Variants in BID observed in about 807,000 individuals in gnomAD.
BID encodes the protein BH3-interacting domain death agonist.
A neutral mutation model predicts 17.4 loss-of-function variants in BID; 19 were observed. The observed-to-expected ratio is 1.09, with a 90% CI of 0.76 to 1.60. The LOEUF (loss-of-function observed/expected upper bound fraction) is 1.60, where lower values mean the gene tolerates loss of function less well. BID is among the 40% of genes most tolerant of loss of function. The pLI is 0.00. For synonymous variants in BID, 108 were observed against 102.8 expected, an observed-to-expected ratio of 1.05 and a Z score of -0.31; for missense variants, 226 against 256.0, an observed-to-expected ratio of 0.88 and a Z score of 0.80.
At chr22:17,766,575 G>T (rs1031256304) in intron 1 of BID, among the ~76,000 whole-genome samples, 1 of 143,154 alleles carries the variant, frequency 7.0e-6, no homozygotes. Flanking sequence ...GCCACTTCGC[G>T]CCCAGCCTTT....
chr22:17,746,926 C>G (rs2061498783), intron 2 of BID, among the ~76,000 whole-genome samples: 1 of 152,218 alleles, frequency 6.6e-6, no homozygotes, highest in South Asian at 2.1e-4. Flanking sequence ...CCCCAAGAAG[C>G]TAACGCAGGC....
intron 1 of BID, among the ~76,000 whole-genome samples, chr22:17,753,529 G>A (rs541179751): frequency 2.6e-5 from 4 of 152,296 alleles, no homozygotes; most frequent in Admixed American, 2.0e-4. Flanking sequence ...GCCCTGCATC[G>A]GGTAACCTCT....
rs533820085 is a variant in BID, at chr22:17,769,920, G to A, written c.-59+4461C>T. On this transcript the variant is annotated intron_variant, in intron 1 of 5. Transcript: ENST00000622694. This position sits in a 1 kb window ranked among gnomAD's most constrained non-coding sequence, Gnocchi z 4.8. Reference sequence around the variant, plus strand: ...GGTGTGCACTTGCCCGCTGGCCTCCGGTGCCCTCAGGCCTAGCCTCATTGT... The same window carrying A: ...GGTGTGCACTTGCCCGCTGGCCTCCAGTGCCCTCAGGCCTAGCCTCATTGT... 2.0e-5 allele frequency among the ~76,000 whole-genome samples: 3 copies of A among 152,214 alleles called. No homozygotes were observed. The highest frequency in any genetic ancestry group is 4.4e-5 in the Non-Finnish European group (3 of 67,994).
chr22:17,747,708 A>AT (rs2061504000), intron 2 of BID, among the ~76,000 whole-genome samples: 1 of 152,262 alleles, frequency 6.6e-6, no homozygotes, highest in Non-Finnish European at 1.5e-5. Context: ...CGATCAAGAC[A>AT]GTAAATCCTG....
Position 17,771,500 on chromosome 22 carries a change from C to T in BID, c.-59+2881G>A, listed in dbSNP as rs577537091. Reference sequence around the variant, plus strand: ...AATCACAGCTCACTATAGCCTTGACCTCCCGGGCTCGAGCAATCCTCCCGT... The same window carrying T: ...AATCACAGCTCACTATAGCCTTGACTTCCCGGGCTCGAGCAATCCTCCCGT... On this transcript the variant is annotated intron_variant, in intron 1 of 5. Coordinates refer to ENST00000622694, the MANE Select transcript of BID (RefSeq NM_001196.4). Among the ~76,000 whole-genome samples, 755 of 152,066 alleles carry T rather than the reference C, an allele frequency of 5.0e-3. 2 individuals are homozygous for T. Among genetic ancestry groups the T allele is most frequent in the Middle Eastern group, 0.01 (3 of 294 alleles).
chr22:17,748,653 T>C (rs1190168079), intron 2 of BID, among the ~76,000 whole-genome samples: 1 of 152,218 alleles, frequency 6.6e-6, no homozygotes. Context: ...GCTGCCGTAC[T>C]GCTGCCTCCG....
In BID at chr22:17,743,671, C is replaced by A. The variant is rs535773185; in HGVS notation, c.223+132G>T. On this transcript the variant is annotated intron_variant, in intron 3 of 5. Coordinates refer to ENST00000622694, the MANE Select transcript of BID (RefSeq NM_001196.4). Reference sequence around the variant, plus strand: ...AGACCAGTCAAGTGATTAAGTGATACCAGCGTACGTGGCAGCTGAAACTGC... The same window carrying A: ...AGACCAGTCAAGTGATTAAGTGATAACAGCGTACGTGGCAGCTGAAACTGC... The A allele has an allele frequency of 1.5e-5, 13 of 879,018 alleles. No individual in the cohort carries two copies. The South Asian group carries it at 1.6e-4, about 11-fold the overall frequency. The allele number at this position is 879,018 out of a possible 1,614,324, so 54.5% of individuals were successfully genotyped here.
chr22:17,751,903 C>G (rs746493891), intron 1 of BID, among the ~76,000 whole-genome samples: 1 of 152,234 alleles, frequency 6.6e-6, no homozygotes, highest in Non-Finnish European at 1.5e-5. Context: ...AGAGACAAAG[C>G]GCAAGACAGA....
At chr22:17,763,697 A>C (rs1189253079) in intron 1 of BID, among the ~76,000 whole-genome samples, 2 of 149,244 alleles carry the variant, frequency 1.3e-5, no homozygotes, top group African/African-American at 2.5e-5. Context: ...TGCTTCCTCA[A>C]CATGAAAACA....
At chr22:17,744,151 T>G (rs2061480062) in intron 2 of BID, 138 bp from the exon 3 acceptor site, 1 of 745,314 alleles carries the variant, frequency 1.3e-6, no homozygotes, top group Non-Finnish European at 2.2e-6. Context: ...TGGAGGGCCC[T>G]GCAGGAGGTC....
At chr22:17,737,988 G>C (rs1428443422) in intron 5 of BID, 29 bp downstream of exon 5, 1 of 1,609,950 alleles carries the variant, frequency 6.2e-7, no homozygotes, top group East Asian at 2.2e-5. Context: ...GCGGCAGGCA[G>C]GGAAGGAGCT....
chr22:17,738,434 G>A (rs184588234), intron 4 of BID, among the ~76,000 whole-genome samples: 4 of 152,064 alleles, frequency 2.6e-5, no homozygotes, highest in Non-Finnish European at 2.9e-5. Context: ...GTAAGCAAAC[G>A]CATGTGTGGT....
At chr22:17,750,288 T>C in intron 1 of BID, 114 bp from the exon 2 acceptor site, 1 of 867,374 alleles carries the variant, frequency 1.2e-6, no homozygotes, top group Admixed American at 2.3e-5. Context: ...GCCGAGGTCC[T>C]GGCCTGAGCC....
intron 1 of BID, among the ~76,000 whole-genome samples, chr22:17,752,727 A>G (rs1056128972): frequency 1.3e-5 from 2 of 150,036 alleles, no homozygotes; most frequent in African/African-American, 4.9e-5. Flanking sequence ...GTGCAGTGGC[A>G]TGATCTTGGC....
At chr22:17,735,869 A>AGTCT (rs1444874482) in intron 5 of BID, among the ~76,000 whole-genome samples, 12 of 152,324 alleles carry the variant, frequency 7.9e-5, no homozygotes, top group South Asian at 4.1e-4. Flanking sequence ...CTCAGCCCTC[A>AGTCT]GTCTCTGGTA....
intron 3 of BID, chr22:17,739,793 C>T: frequency 1.7e-6 from 1 of 578,702 alleles, no homozygotes. Context: ...AGGTACAAGC[C>T]TGGCAGCGGC....
intron 3 of BID, among the ~76,000 whole-genome samples, chr22:17,742,310 G>A (rs2061465176): frequency 6.6e-6 from 1 of 152,178 alleles, no homozygotes; most frequent in Admixed American, 6.5e-5. Context: ...GGGCAGACTG[G>A]GGCTACAGTC....
At chr22:17,746,286 C>T (rs2061494839) in intron 2 of BID, among the ~76,000 whole-genome samples, 1 of 152,124 alleles carries the variant, frequency 6.6e-6, no homozygotes, top group Non-Finnish European at 1.5e-5. Flanking sequence ...AAGCCCAGTC[C>T]CCACCAGTGC....
intron 3 of BID, chr22:17,740,019 C>T: frequency 1.3e-6 from 2 of 1,528,550 alleles, no homozygotes; most frequent in African/African-American, 1.4e-5. Context: ...CCAGAGCTCT[C>T]CCCCTTGCCC....
Sources: gnomAD v4.1 joint callset for allele counts (sites outside exome capture counted in the v4.1 genomes callset) on GRCh38, gnomAD v4.1.1 for gene constraint, Gnocchi (gnomAD v3.1) non-coding constraint, MANE v1.5 for transcripts, NCBI Gene and HGNC (gene_info 2026-07-23, HGNC 2026-07-21) for gene names.